The following LPAR5 variants were observed in gnomAD, a reference collection of about 807,000 sequenced individuals.
LPAR5 encodes G protein-coupled receptor 92.
For missense variants in LPAR5, 544 were observed against 521.8 expected, an observed-to-expected ratio of 1.04 and a Z score of -0.41; for synonymous variants, 271 against 261.6, an observed-to-expected ratio of 1.04 and a Z score of -0.35.
rs1948872139 is a variant in LPAR5, at chr12:6,619,873, C to T, written c.*257G>A. The T allele has an allele frequency of 4.5e-6, 3 of 673,930 alleles. No individual in the cohort carries two copies. The highest frequency in any genetic ancestry group is 3.1e-5 in the South Asian group (2 of 65,564). 41.7% of individuals were successfully genotyped at this position (673,930 alleles called of 1,614,324 possible). Reference sequence around the variant, plus strand: ...ATTTCGTCCTCTTCTGCCCTCTGCACGGGTGGGCTCTCTGCATCACTTCCC... The same window carrying T: ...ATTTCGTCCTCTTCTGCCCTCTGCATGGGTGGGCTCTCTGCATCACTTCCC... On this transcript the variant is annotated 3_prime_UTR_variant, in exon 2 of 2. Transcript: ENST00000329858.
At position 6,620,379 on chromosome 12, in the gene LPAR5, G is replaced by T. The variant is rs1253770328; in HGVS notation, c.870C>A (p.Cys290Ter). 6.8e-6 allele frequency: 11 copies of T among 1,611,620 alleles called. No individual in the cohort carries two copies. Among genetic ancestry groups the T allele is most frequent in the Non-Finnish European group, 8.5e-6 (10 of 1,179,274 alleles). ...MVMVLLAGAN[C>*]VLDPLVYYFS... ...AGTAGTACACCAGCGGGTCCAGCACGCAGTTGGCGCCGGCCAGCAGCACCA... is the reference window on the plus strand; with the variant it reads ...AGTAGTACACCAGCGGGTCCAGCACTCAGTTGGCGCCGGCCAGCAGCACCA... Residue 290 changes from cysteine to a stop codon, truncating the protein, a stop_gained, in exon 2 of 2, where the codon TGC (cysteine) becomes TGA (stop). Transcript: ENST00000329858. LOFTEE classifies it low-confidence loss of function (END_TRUNC). This position sits in a 1 kb window ranked among gnomAD's most constrained non-coding sequence, Gnocchi z 6.8.
chr12:6,619,857 T>C lies in LPAR5; in HGVS notation c.*273A>G. ...CTGCCCACCCAAAGGCATTTCGTCC[T>C]CTTCTGCCCTCTGCACGGGTGGGCT... On this transcript the variant is annotated 3_prime_UTR_variant, in exon 2 of 2. Transcript: ENST00000329858. The C allele has an allele frequency of 1.6e-6, 1 of 633,352 alleles. No individual in the cohort carries two copies. 39.2% of individuals were successfully genotyped at this position (633,352 alleles called of 1,614,324 possible). A position where few individuals can be genotyped will look rare whatever the true frequency, so the allele number is the denominator to read the frequency against.
In LPAR5 at chr12:6,621,308, G is replaced by A; in HGVS notation, c.-60C>T. ...TGCCATGGAGCACACCAGAATCATG[G>A]CATGGCATTCACCTCCGGGGCTGGG... On this transcript the variant is annotated 5_prime_UTR_variant, in exon 2 of 2. Transcript: ENST00000329858. The A allele has an allele frequency of 7.0e-7, 1 of 1,423,896 alleles. No homozygotes were observed. The highest frequency in any genetic ancestry group is 2.6e-5 in the East Asian group (1 of 38,428). 88.2% of individuals were successfully genotyped at this position (1,423,896 alleles called of 1,614,324 possible).
intron 1 of LPAR5, among the ~76,000 whole-genome samples, chr12:6,622,382 C>T (rs888194398): frequency 1.4e-5 from 2 of 145,398 alleles, no homozygotes; most frequent in Non-Finnish European, 1.5e-5. Flanking sequence ...GAGCCAAGAT[C>T]GCGCCATTGC....
chr12:6,626,135 G>T (rs963004009), intron 1 of LPAR5, among the ~76,000 whole-genome samples: 1 of 152,168 alleles, frequency 6.6e-6, no homozygotes, highest in Non-Finnish European at 1.5e-5. Flanking sequence ...GCCAGGCATA[G>T]TGGCAGGTGC....
intron 1 of LPAR5, among the ~76,000 whole-genome samples, chr12:6,624,276 C>T (rs1157374715): frequency 6.6e-6 from 1 of 152,164 alleles, no homozygotes; most frequent in Non-Finnish European, 1.5e-5. Flanking sequence ...ATCCATCGCA[C>T]TCCGGCCTGG....
At chr12:6,625,281 C>T (rs1007776849) in intron 1 of LPAR5, among the ~76,000 whole-genome samples, 10 of 149,364 alleles carry the variant, frequency 6.7e-5, no homozygotes, top group Admixed American at 3.4e-4. Context: ...AAAAATTAGC[C>T]GGGCGTGGTG....
intron 1 of LPAR5, among the ~76,000 whole-genome samples, chr12:6,629,782 G>A (rs1365586413): frequency 2.0e-5 from 3 of 152,070 alleles, no homozygotes; most frequent in Admixed American, 1.3e-4. Context: ...CCAGCACTTT[G>A]GGAGGCTGAG....
Position 6,621,095 on chromosome 12 carries a change from G to A in LPAR5, c.154C>T (p.Arg52Cys). 1.9e-6 allele frequency: 3 copies of A among 1,601,734 alleles called. 1 individual carries two copies. In the South Asian group the frequency reaches 3.3e-5, roughly 18 times the overall value. ...TACACGCTCACCACCGAGTGCACGCGCAGCGCGCGCAGGAAGACCCAGAGG... is the reference window on the plus strand; with the variant it reads ...TACACGCTCACCACCGAGTGCACGCACAGCGCGCGCAGGAAGACCCAGAGG... ...LALWVFLRALRVHSVVSVYMC... is the reference protein window; with the variant it reads ...LALWVFLRALCVHSVVSVYMC... Residue 52 changes from arginine to cysteine, a missense_variant, in exon 2 of 2, where the codon CGC (arginine) becomes TGC (cysteine). By Grantham distance (180) the Arg-to-Cys change is radical (BLOSUM62 -3). Transcript: ENST00000329858.
rs570448432 is a variant in LPAR5 at position 6,633,817 on chromosome 12, A to G, written c.-217+2090T>C. Among the ~76,000 whole-genome samples the G allele has an allele frequency of 2.6e-5, 4 of 152,268 alleles. No individual in the cohort carries two copies. The South Asian group carries it at 8.3e-4, about 32-fold the overall frequency. On this transcript the variant is annotated intron_variant, in intron 1 of 1. Coordinates refer to ENST00000329858, the MANE Select transcript of LPAR5 (RefSeq NM_020400.6). ...CAGCAGAGTAGGGAGAGCAGATGGC[A>G]TCAGACAGATGGAGTTGGGCTCTAG...
At chr12:6,629,366 ACT>A (rs1318439073) in intron 1 of LPAR5, among the ~76,000 whole-genome samples, 1 of 126,390 alleles carries the variant, frequency 7.9e-6, no homozygotes, top group Admixed American at 8.5e-5. Flanking sequence ...ACAGAGCGAG[ACT>A]CTGTCTCAAA....
In LPAR5 at chr12:6,620,659, G is replaced by C; in HGVS notation, c.590C>G (p.Ala197Gly). 1 of 1,557,828 alleles carries C rather than the reference G, an allele frequency of 6.4e-7. No individual in the cohort carries two copies. The highest frequency in any genetic ancestry group is 8.7e-7 in the Non-Finnish European group (1 of 1,151,200). ...RLLPLVLLAE[A>G]LGFLLPLAAV... ...CGCCAGGGGCAGCAGGAAGCCCAGC[G>C]CCTCGGCCAGCAGCACGAGGGGCAG... is the stretch of plus-strand genomic sequence containing the variant. The change falls in exon 2 of 2, where the codon GCG becomes GGG. Residue 197 changes from alanine (A) to glycine (G), a missense_variant. Transcript: ENST00000329858. The surrounding 1 kb of genome is among the most constrained non-coding windows in gnomAD (Gnocchi z 6.8).
chr12:6,619,955 G>A lies in LPAR5; in HGVS notation c.*175C>T, dbSNP rs1378834003. 3.4e-6 allele frequency: 3 copies of A among 886,190 alleles called. No homozygotes were observed. Among genetic ancestry groups the A allele is most frequent in the Non-Finnish European group, 5.5e-6 (3 of 544,756 alleles). The allele number at this position is 886,190 out of a possible 1,614,324, so 54.9% of individuals were successfully genotyped here. ...CAGTTTAAAGAAGCCATTTCCAGCA[G>A]CACTGCCTTCCCTGGGCCCTGGCTT... is the stretch of plus-strand genomic sequence containing the variant. On this transcript the variant is annotated 3_prime_UTR_variant, in exon 2 of 2. Coordinates refer to ENST00000329858, the MANE Select transcript of LPAR5 (RefSeq NM_020400.6).
At chr12:6,628,028 C>CTTTTTCTT (rs1555076536) in intron 1 of LPAR5, among the ~76,000 whole-genome samples, 2 of 134,488 alleles carry the variant, frequency 1.5e-5, no homozygotes, top group African/African-American at 2.7e-5. Flanking sequence ...TTTCTTTTTT[C>CTTTTTCTT]TTTTTTTTTT....
intron 1 of LPAR5, among the ~76,000 whole-genome samples, chr12:6,629,707 A>C (rs978336434): frequency 6.6e-6 from 1 of 150,518 alleles, no homozygotes; most frequent in Non-Finnish European, 1.5e-5. Context: ...AAATAGACCA[A>C]GATTATTAGT....
At chr12:6,622,611 C>T (rs1312303290) in intron 1 of LPAR5, among the ~76,000 whole-genome samples, 3 of 148,942 alleles carry the variant, frequency 2.0e-5, no homozygotes, top group Non-Finnish European at 1.5e-5. Context: ...ATTAGCCGGG[C>T]GTGGTGGCAG....
chr12:6,621,347 A>C lies in LPAR5; in HGVS notation c.-99T>G. The C allele has an allele frequency of 8.2e-7, 1 of 1,215,792 alleles. No homozygotes were observed. Among genetic ancestry groups the C allele is most frequent in the Non-Finnish European group, 1.1e-6 (1 of 923,078 alleles). 75.3% of individuals were successfully genotyped at this position (1,215,792 alleles called of 1,614,324 possible). Reference sequence around the variant, plus strand: ...TCCGGGGCTGGGGCCTAGAGGCTGTACAGACATGGTCCCAAAACAAGCAGA... The same window carrying C: ...TCCGGGGCTGGGGCCTAGAGGCTGTCCAGACATGGTCCCAAAACAAGCAGA... On this transcript the variant is annotated 5_prime_UTR_variant, in exon 2 of 2. Coordinates refer to ENST00000329858, the MANE Select transcript of LPAR5 (RefSeq NM_020400.6).
chr12:6,620,271 C>T lies in LPAR5; in HGVS notation c.978G>A (p.Arg326=). 1 of 1,606,298 alleles carries T rather than the reference C, an allele frequency of 6.2e-7. No homozygotes were observed. Among genetic ancestry groups the T allele is most frequent in the Non-Finnish European group, 8.5e-7 (1 of 1,176,428 alleles). The change falls in exon 2 of 2, where the codon CGG becomes CGA. Residue 326 remains arginine (R), a synonymous_variant. Transcript: ENST00000329858. The surrounding 1 kb of genome is among the most constrained non-coding windows in gnomAD (Gnocchi z 6.8). ...ACCTTTCGGATTGCGCGAGCGCCGC[C>T]CGCGTCCCGTTGGTGGCCGAGGTCC... ...RARTSATNGT[R]AALAQSERSA... is the part of the protein sequence containing the mutation.
chr12:6,620,218 G>A lies in LPAR5; in HGVS notation c.1031C>T (p.Pro344Leu), dbSNP rs755732156. Residue 344 changes from proline (P) to leucine (L), a missense_variant, in exon 2 of 2, where the codon CCG (proline) becomes CTG (leucine). Transcript: ENST00000329858. The surrounding 1 kb of genome is among the most constrained non-coding windows in gnomAD (Gnocchi z 6.8). ...GAGCAGCCCCTGACTGGCGGCATCC[G>A]GCCTGGTGGCGTCGGTGGTGACGGC... ...RSAVTTDATR[P>L]DAASQGLLRP... 1 of 1,612,434 alleles carries A rather than the reference G, an allele frequency of 6.2e-7. No homozygotes were observed. Among genetic ancestry groups the A allele is most frequent in the South Asian group, 1.1e-5 (1 of 90,958 alleles).
Sources: allele counts gnomAD v4.1 joint callset (sites outside exome capture counted in the v4.1 genomes callset), GRCh38; gene constraint gnomAD v4.1.1; non-coding constraint Gnocchi (gnomAD v3.1); transcripts MANE v1.5; gene names NCBI Gene and HGNC (gene_info 2026-07-23, HGNC 2026-07-21).